Variants in ARIH2 observed in about 807,000 individuals in gnomAD.
ARIH2 encodes the protein E3 ubiquitin-protein ligase ARIH2.
ARIH2 carries 12 observed loss-of-function variants against 79.8 expected under a neutral mutation model. The observed-to-expected ratio is 0.15, with a 90% CI of 0.10 to 0.24. The LOEUF (loss-of-function observed/expected upper bound fraction) is 0.24. Ranked by LOEUF, ARIH2 falls within the 10% of genes least tolerant of loss-of-function variation. The pLI is 1.00. For missense variants in ARIH2, 301 were observed against 618.3 expected (o/e 0.49, Z 5.44); for synonymous variants, 224 against 213.9 (o/e 1.05, Z -0.41).
chr3:48,970,870 C>T (rs1489106619), intron 8 of ARIH2, 166 bp downstream of exon 8: 1 of 560,610 alleles, frequency 1.8e-6, no homozygotes, highest in Non-Finnish European at 3.2e-6. Flanking sequence ...TCTCATATTC[C>T]ACTAGGTCTT....
intron 9 of ARIH2, 118 bp from the exon 10 acceptor site, chr3:48,974,699 C>T (rs1297589063): frequency 2.0e-6 from 2 of 993,414 alleles, no homozygotes; most frequent in Non-Finnish European, 3.2e-6. Flanking sequence ...TGAGGTGCTC[C>T]TCCCCAGAAG....
rs71077758 is a variant in ARIH2 at position 48,959,649 on chromosome 3, CAAAAAAAAA to C, written c.256-1945_256-1937del. On this transcript the variant is annotated intron_variant, in intron 3 of 15. Coordinates refer to ENST00000356401, the MANE Select transcript of ARIH2 (RefSeq NM_006321.4). Reference sequence around the variant, plus strand: ...AAACCCCGTCTCTACTAAAAAATACCAAAAAAAAAAAAAAAAAAAAAAAAAAGAAAAGAA... The same window carrying C: ...AAACCCCGTCTCTACTAAAAAATACCAAAAAAAAAAAAAAAAAGAAAAGAA... Among the ~76,000 whole-genome samples the C allele has an allele frequency of 2.4e-4, 12 of 50,106 alleles. No homozygotes were observed. The South Asian group carries it at 7.9e-3, about 33-fold the overall frequency. 32.9% of individuals were successfully genotyped at this position (50,106 alleles called of 152,430 possible).
chr3:48,935,631 A>G (rs1026968953), intron 3 of ARIH2, among the ~76,000 whole-genome samples: 1 of 152,212 alleles, frequency 6.6e-6, no homozygotes, highest in African/African-American at 2.4e-5. Context: ...CAGCATCTCT[A>G]TGCTTGAGTT....
At chr3:48,982,061 C>G (rs1374299065) in intron 14 of ARIH2, among the ~76,000 whole-genome samples, 1 of 152,162 alleles carries the variant, frequency 6.6e-6, no homozygotes, top group Non-Finnish European at 1.5e-5. Context: ...ATATATTTGA[C>G]TGTTTTATAC....
At chr3:48,934,089 G>A (rs958709339) in intron 3 of ARIH2, among the ~76,000 whole-genome samples, 24 of 152,054 alleles carry the variant, frequency 1.6e-4, no homozygotes, top group African/African-American at 5.6e-4. Context: ...ATTCTGCTGT[G>A]GATAATTTTT....
intron 4 of ARIH2, among the ~76,000 whole-genome samples, chr3:48,964,618 A>G (rs2091598273): frequency 6.6e-6 from 1 of 152,014 alleles, no homozygotes; most frequent in Non-Finnish European, 1.5e-5. Context: ...CCTGGCCTAG[A>G]AGTTTATATA....
intron 3 of ARIH2, among the ~76,000 whole-genome samples, chr3:48,959,792 T>G (rs963250739): frequency 4.6e-5 from 7 of 152,170 alleles, no homozygotes; most frequent in Admixed American, 6.5e-5. Context: ...TTTCTCCAGA[T>G]GTACCTGGAC....
chr3:48,940,637 A>T (rs2087981994), intron 3 of ARIH2, among the ~76,000 whole-genome samples: 1 of 151,408 alleles, frequency 6.6e-6, no homozygotes, highest in Non-Finnish European at 1.5e-5. Context: ...TCTACTAAAA[A>T]TACAAAAATT....
chr3:48,959,649 C>CAAAAAAAAAAAAAAAAAAAA (rs71077758), intron 3 of ARIH2, among the ~76,000 whole-genome samples: 15 of 50,100 alleles, frequency 3.0e-4, no homozygotes, highest in Non-Finnish European at 4.2e-4. Context: ...TAAAAAATAC[C>CAAAAAAAAAAAAAAAAAAAA]AAAAAAAAAA....
chr3:48,935,222 A>G (rs915712890), intron 3 of ARIH2, among the ~76,000 whole-genome samples: 1 of 152,256 alleles, frequency 6.6e-6, no homozygotes, highest in African/African-American at 2.4e-5. Context: ...GGCACATAAC[A>G]GGAAAAATAA....
chr3:48,961,129 GT>G (rs2107528606), intron 3 of ARIH2, among the ~76,000 whole-genome samples: 1 of 152,278 alleles, frequency 6.6e-6, no homozygotes, highest in South Asian at 2.1e-4. Context: ...TTTAAACTGA[GT>G]TTTGGGTTTT....
At chr3:48,956,879 G>C (rs2090654535) in intron 3 of ARIH2, among the ~76,000 whole-genome samples, 1 of 151,618 alleles carries the variant, frequency 6.6e-6, no homozygotes, top group Non-Finnish European at 1.5e-5. Flanking sequence ...GCTAATTCTT[G>C]TATTTTTATT....
intron 4 of ARIH2, among the ~76,000 whole-genome samples, chr3:48,962,198 G>A (rs1252634325): frequency 6.6e-6 from 1 of 152,024 alleles, no homozygotes; most frequent in Non-Finnish European, 1.5e-5. Context: ...CCAGCATGAT[G>A]AAACCCCTTC....
chr3:48,938,695 A>T (rs1271798655), intron 3 of ARIH2, among the ~76,000 whole-genome samples: 1 of 152,128 alleles, frequency 6.6e-6, no homozygotes, highest in Non-Finnish European at 1.5e-5. Flanking sequence ...AGGCACATGC[A>T]TGTTGTAAAC....
intron 3 of ARIH2, among the ~76,000 whole-genome samples, chr3:48,959,315 CAAA>C (rs572436218): frequency 1.2e-5 from 1 of 82,784 alleles, no homozygotes; most frequent in Non-Finnish European, 2.6e-5. Flanking sequence ...GACTCCATCT[CAAA>C]AAAAAAAAAA....
intron 4 of ARIH2, among the ~76,000 whole-genome samples, chr3:48,963,656 T>G (rs187092796): frequency 2.1e-4 from 32 of 152,376 alleles, no homozygotes; most frequent in African/African-American, 7.5e-4. Context: ...GTTTTGTCTT[T>G]GCTAAATAAT....
chr3:48,966,731 C>T (rs1399037560), intron 5 of ARIH2, among the ~76,000 whole-genome samples: 1 of 152,196 alleles, frequency 6.6e-6, no homozygotes, highest in Non-Finnish European at 1.5e-5. Flanking sequence ...AGGGGCAACT[C>T]TGCTGTGCTT....
intron 11 of ARIH2, among the ~76,000 whole-genome samples, chr3:48,979,016 G>A (rs930807927): frequency 2.0e-5 from 3 of 151,936 alleles, no homozygotes; most frequent in Non-Finnish European, 4.4e-5. Flanking sequence ...AGAAGAAAAA[G>A]GGGGAAAGCC....
At chr3:48,982,291 T>C (rs1028587975) in intron 14 of ARIH2, among the ~76,000 whole-genome samples, 1 of 152,248 alleles carries the variant, frequency 6.6e-6, no homozygotes, top group Non-Finnish European at 1.5e-5. Context: ...TTTATTGTTA[T>C]AACAGTTTAT....
Sources: allele counts gnomAD v4.1 joint callset (sites outside exome capture counted in the v4.1 genomes callset), GRCh38; gene constraint gnomAD v4.1.1; transcripts MANE v1.5; gene names NCBI Gene and HGNC (gene_info 2026-07-23, HGNC 2026-07-21).